INPP5A: variants seen among roughly 807,000 people sequenced by gnomAD.
INPP5A encodes the protein 43 kDa inositol polyphosphate 5-phophatase.
Under a neutral mutation model 65.2 loss-of-function variants are expected in INPP5A, and 14 were observed. The ratio of observed to expected loss-of-function variants is 0.21; its 90% CI spans 0.14 to 0.34. The LOEUF is 0.34. Ranked by LOEUF, INPP5A falls within the 10% of genes least tolerant of loss-of-function variation. The pLI, the probability that INPP5A is intolerant of heterozygous loss-of-function variation, is 1.00. For missense variants in INPP5A, 431 were observed against 545.6 expected (o/e 0.79, Z 2.09); for synonymous variants, 207 against 208.3 (o/e 0.99, Z 0.05).
At chr10:132,601,536 T>A (rs2071777892) in intron 1 of INPP5A, among the ~76,000 whole-genome samples, 1 of 152,248 alleles carries the variant, frequency 6.6e-6, no homozygotes, top group Non-Finnish European at 1.5e-5. Context: ...TTTTGTTGCC[T>A]GTGCTTTGGA....
Position 132,705,019 on chromosome 10 carries a change from T to C in INPP5A, c.475-3294T>C, listed in dbSNP as rs886090309. 3.3e-5 allele frequency among the ~76,000 whole-genome samples: 5 copies of C among 151,884 alleles called. No homozygotes were observed. The highest frequency in any genetic ancestry group is 9.7e-5 in the African/African-American group (4 of 41,332). On this transcript the variant is annotated intron_variant, in intron 6 of 15. Transcript: ENST00000368594. This position sits in a 1 kb window ranked among gnomAD's most constrained non-coding sequence, Gnocchi z 4.9. The stretch of plus-strand genomic sequence containing the variant: ...GTGTGGAGGATGGAGGAAGGGCGTC[T>C]GGACAGGTGGCAGGCGGCTCGTCTG...
chr10:132,725,514 A>G (rs1845970532), intron 8 of INPP5A, among the ~76,000 whole-genome samples: 1 of 152,214 alleles, frequency 6.6e-6, no homozygotes, highest in Non-Finnish European at 1.5e-5. Context: ...GGATTCTTCT[A>G]CTTCTCAAGC....
In INPP5A at chr10:132,631,269, CT is replaced by C. The variant is rs756631718; in HGVS notation, c.118-14598del. ...TCCCATCGGCTGCGCCTTGAGGAGG[CT>C]GTCTGACCAGGGGCCTGTGGGAACC... On this transcript the variant is annotated intron_variant, in intron 2 of 15. Coordinates refer to ENST00000368594, the MANE Select transcript of INPP5A (RefSeq NM_005539.5). 3.9e-5 allele frequency among the ~76,000 whole-genome samples: 6 copies of C among 152,188 alleles called. No homozygotes were observed. The South Asian group carries it at 1.2e-3, about 32-fold the overall frequency.
chr10:132,777,047 G>A (rs1032087398), intron 12 of INPP5A, among the ~76,000 whole-genome samples: 4 of 152,144 alleles, frequency 2.6e-5, no homozygotes, highest in East Asian at 1.9e-4. Context: ...GAAGGGCTCC[G>A]CCCTCAGGGC....
rs1010327064 is a variant in INPP5A, at chr10:132,565,627, G to A, written c.75+27456G>A. Among the ~76,000 whole-genome samples the A allele has an allele frequency of 5.9e-5, 9 of 152,274 alleles. No homozygotes were observed. The East Asian group carries it at 1.5e-3, about 26-fold the overall frequency. Reference sequence around the variant, plus strand: ...TCACTGTGTGTGCATGTGTGTATGTGTGTATATGTATGTATATGTGTATGT... The same window carrying A: ...TCACTGTGTGTGCATGTGTGTATGTATGTATATGTATGTATATGTGTATGT... On this transcript the variant is annotated intron_variant, in intron 1 of 15. Coordinates refer to ENST00000368594, the MANE Select transcript of INPP5A (RefSeq NM_005539.5).
intron 1 of INPP5A, among the ~76,000 whole-genome samples, chr10:132,586,994 T>G (rs1367397153): frequency 1.3e-5 from 2 of 152,176 alleles, no homozygotes; most frequent in Non-Finnish European, 2.9e-5. Flanking sequence ...ACCAATGTCA[T>G]CATTCCCCGT....
Position 132,729,628 on chromosome 10 carries a change from T to G in INPP5A, c.732+2723T>G, listed in dbSNP as rs530426872. Among the ~76,000 whole-genome samples, 14 of 152,308 alleles carry G rather than the reference T, an allele frequency of 9.2e-5. No individual in the cohort carries two copies. In the East Asian group the frequency reaches 2.7e-3, roughly 29 times the overall value. ...TGTACCCCGTCCTCCGTGTTCGTGT[T>G]AGGCTGTCGCTAAAGGAGCCCTCGT... On this transcript the variant is annotated intron_variant, in intron 9 of 15. Coordinates refer to ENST00000368594, the MANE Select transcript of INPP5A (RefSeq NM_005539.5).
chr10:132,643,559 G>A (rs1274054020), intron 2 of INPP5A, among the ~76,000 whole-genome samples: 1 of 152,208 alleles, frequency 6.6e-6, no homozygotes, highest in Admixed American at 6.5e-5. Context: ...TAAATATGTT[G>A]TCTTAGGACG....
At chr10:132,723,661 T>C (rs3118504) in intron 8 of INPP5A, among the ~76,000 whole-genome samples, 66 of 125,066 alleles carry the variant, frequency 5.3e-4, no homozygotes, top group African/African-American at 6.9e-4. Context: ...GGGGATTGGC[T>C]GTGTGGGGAT....
chr10:132,747,161 G>A (rs572128889), intron 9 of INPP5A, among the ~76,000 whole-genome samples: 14 of 152,378 alleles, frequency 9.2e-5, no homozygotes, highest in African/African-American at 3.1e-4. Flanking sequence ...CTCCCATTCA[G>A]GGAAAGCAGC....
chr10:132,688,708 T>C (rs1484637527), intron 4 of INPP5A, among the ~76,000 whole-genome samples: 3 of 148,044 alleles, frequency 2.0e-5, no homozygotes, highest in African/African-American at 7.9e-5. Flanking sequence ...TGTGCAAGTG[T>C]GAACAAGTGC....
chr10:132,696,661 G>A (rs1278884870), intron 5 of INPP5A, among the ~76,000 whole-genome samples: 5 of 152,198 alleles, frequency 3.3e-5, no homozygotes, highest in East Asian at 1.9e-4. Context: ...TCTAAGCTCC[G>A]AGTTTAGGGA....
Position 132,707,923 on chromosome 10 carries a change from C to T in INPP5A, c.475-390C>T, listed in dbSNP as rs766724832. ...ACTGTCCAGGACGCCTGGCTGGGCACGGCTGCTCAAGTCTTCCCTGTGGTC... is the reference window on the plus strand; with the variant it reads ...ACTGTCCAGGACGCCTGGCTGGGCATGGCTGCTCAAGTCTTCCCTGTGGTC... On this transcript the variant is annotated intron_variant, in intron 6 of 15. Transcript: ENST00000368594. The surrounding 1 kb of genome is among the most constrained non-coding windows in gnomAD (Gnocchi z 5.5). Among the ~76,000 whole-genome samples, 30 of 152,182 alleles carry T rather than the reference C, an allele frequency of 2.0e-4. No homozygotes were observed. Among genetic ancestry groups the T allele is most frequent in the East Asian group, 5.8e-4 (3 of 5,194 alleles).
At chr10:132,684,227 T>G (rs2073087611) in intron 4 of INPP5A, among the ~76,000 whole-genome samples, 1 of 152,200 alleles carries the variant, frequency 6.6e-6, no homozygotes, top group South Asian at 2.1e-4. Flanking sequence ...TCAAATTTGA[T>G]TTACCCATTT....
At chr10:132,751,795 C>T (rs889473670) in intron 11 of INPP5A, among the ~76,000 whole-genome samples, 2 of 145,830 alleles carry the variant, frequency 1.4e-5, no homozygotes, top group Non-Finnish European at 3.0e-5. Flanking sequence ...GAGGCAGGTG[C>T]CCAGGAGGTG....
chr10:132,666,569 G>A (rs1218827571), intron 4 of INPP5A, among the ~76,000 whole-genome samples: 1 of 152,202 alleles, frequency 6.6e-6, no homozygotes, highest in African/African-American at 2.4e-5. Context: ...CGAGGCTGCC[G>A]ACTTTGCAGT....
In INPP5A at chr10:132,587,879, G is replaced by C. The variant is rs1203768287; in HGVS notation, c.76-20036G>C. Among the ~76,000 whole-genome samples, 1 of 152,028 alleles carries C rather than the reference G, an allele frequency of 6.6e-6. No individual in the cohort carries two copies. The highest frequency in any genetic ancestry group is 2.1e-4 in the South Asian group (1 of 4,818). Reference sequence around the variant, plus strand: ...GACAAAAAATTAGCCGGGCATGGTGGTGCACGCCTGTAATCCCAGCTACTT... The same window carrying C: ...GACAAAAAATTAGCCGGGCATGGTGCTGCACGCCTGTAATCCCAGCTACTT... On this transcript the variant is annotated intron_variant, in intron 1 of 15. Transcript: ENST00000368594. This position sits in a 1 kb window ranked among gnomAD's most constrained non-coding sequence, Gnocchi z 4.3.
chr10:132,735,831 G>A (rs977669229), intron 9 of INPP5A, among the ~76,000 whole-genome samples: 2 of 152,178 alleles, frequency 1.3e-5, no homozygotes, highest in Non-Finnish European at 2.9e-5. Flanking sequence ...CTGGGAGGAC[G>A]ACCAGCTTGG....
intron 12 of INPP5A, among the ~76,000 whole-genome samples, chr10:132,776,360 C>G (rs918677693): frequency 3.3e-5 from 5 of 151,772 alleles, no homozygotes; most frequent in Non-Finnish European, 7.4e-5. Flanking sequence ...AGTTCCCAGT[C>G]CCCGGCTGTT....
Sources: gnomAD v4.1 joint callset for allele counts (sites outside exome capture counted in the v4.1 genomes callset) on GRCh38, gnomAD v4.1.1 for gene constraint, Gnocchi (gnomAD v3.1) non-coding constraint, MANE v1.5 for transcripts, NCBI Gene and HGNC (gene_info 2026-07-23, HGNC 2026-07-21) for gene names.